PFKP: variants seen among roughly 807,000 people sequenced by gnomAD.
The protein encoded by PFKP is phosphofructokinase, platelet.
PFKP carries 101 observed loss-of-function variants against 94.3 expected under a neutral mutation model. The ratio of observed to expected loss-of-function variants is 1.07; its 90% CI spans 0.91 to 1.26. The LOEUF is 1.26. PFKP is among the 50% of genes most tolerant of loss of function. PFKP has a pLI of 0.00. For synonymous variants in PFKP, 573 were observed against 432.6 expected, an observed-to-expected ratio of 1.32 and a Z score of -4.03; for missense variants, 1,145 against 1,103.3, an observed-to-expected ratio of 1.04 and a Z score of -0.53.
intron 16 of PFKP, among the ~76,000 whole-genome samples, chr10:3,124,177 C>T (rs994001713): frequency 1.3e-5 from 2 of 152,234 alleles, no homozygotes; most frequent in Non-Finnish European, 2.9e-5. Flanking sequence ...GGTGTGGGCG[C>T]CGCCCTGTGT....
In PFKP at chr10:3,067,714, G is replaced by C. The variant is rs935492903; in HGVS notation, c.112+7G>C. The C allele has an allele frequency of 6.9e-7, 1 of 1,448,794 alleles. No homozygotes were observed. The highest frequency in any genetic ancestry group is 9.2e-7 in the Non-Finnish European group (1 of 1,083,646). 89.7% of individuals were successfully genotyped at this position (1,448,794 alleles called of 1,614,324 possible). ...AGCGGCGGGGATGCTCAAGGTGCGCGCCCCCCTCCCGGCGGCGAGGGAGGG... is the reference window on the plus strand; with the variant it reads ...AGCGGCGGGGATGCTCAAGGTGCGCCCCCCCCTCCCGGCGGCGAGGGAGGG... On this transcript the variant is annotated splice_region_variant and intron_variant, in intron 1 of 21. Coordinates refer to ENST00000381125, the MANE Select transcript of PFKP (RefSeq NM_002627.5).
At chr10:3,078,861 C>A (rs1832801165) in intron 1 of PFKP, among the ~76,000 whole-genome samples, 1 of 152,154 alleles carries the variant, frequency 6.6e-6, no homozygotes, top group Non-Finnish European at 1.5e-5. Flanking sequence ...TCAAGGAGGA[C>A]ACATGAATAA....
At chr10:3,101,675 C>T in intron 4 of PFKP, 121 bp downstream of exon 4, 1 of 648,722 alleles carries the variant, frequency 1.5e-6, no homozygotes, top group Non-Finnish European at 2.5e-6. Context: ...TACAGGTCAC[C>T]ATCTCAGGAC....
At chr10:3,129,705 C>A (rs776875041) in intron 16 of PFKP, 114 bp from the exon 17 acceptor site, 4 of 1,097,814 alleles carry the variant, frequency 3.6e-6, no homozygotes, top group Non-Finnish European at 5.4e-6. Flanking sequence ...ATGCTGGGAC[C>A]GCATGTTTGG....
chr10:3,134,450 A>C (rs1424109205), intron 19 of PFKP, 33 bp from the exon 20 acceptor site: 10 of 1,201,012 alleles, frequency 8.3e-6, no homozygotes, highest in South Asian at 1.2e-5. Context: ...TTACTGTATA[A>C]CTGGTATTTC....
intron 1 of PFKP, among the ~76,000 whole-genome samples, chr10:3,078,029 C>T (rs1832750879): frequency 6.6e-6 from 1 of 152,174 alleles, no homozygotes; most frequent in South Asian, 2.1e-4. Flanking sequence ...GGGTTGGGCT[C>T]CCAAAACCAA....
rs758043060 is a variant in PFKP at position 3,102,537 on chromosome 10, C to T, written c.454+983C>T. On this transcript the variant is annotated intron_variant, in intron 4 of 21. Transcript: ENST00000381125. The stretch of plus-strand genomic sequence containing the variant: ...CAAGCAATTCTCCTGCCTCAGCCTC[C>T]CAAGCAGCTGGGATTACAGGCATGC... 8.6e-5 allele frequency among the ~76,000 whole-genome samples: 13 copies of T among 152,004 alleles called. 1 individual carries two copies. Among genetic ancestry groups the T allele is most frequent in the South Asian group, 6.2e-4 (3 of 4,818 alleles).
At chr10:3,121,815 TTTTTTTTTTTTTTTTC>T (rs958084573) in intron 16 of PFKP, among the ~76,000 whole-genome samples, 11 of 41,242 alleles carry the variant, frequency 2.7e-4, no homozygotes, top group Admixed American at 5.2e-4. Context: ...TTTTTTTTTT[TTTTTTTTTTTTTTTTC>T]TTTTTTTGGA....
At chr10:3,130,695 G>T (rs748396241) in intron 17 of PFKP, among the ~76,000 whole-genome samples, 2 of 152,176 alleles carry the variant, frequency 1.3e-5, no homozygotes, top group Non-Finnish European at 2.9e-5. Context: ...AAGTAGCTGG[G>T]ATTACAGGCA....
chr10:3,129,657 G>T, intron 16 of PFKP, 162 bp from the exon 17 acceptor site: 1 of 736,472 alleles, frequency 1.4e-6, no homozygotes, highest in East Asian at 2.7e-5. Context: ...CACTCCGAGG[G>T]CACATCCTGG....
At chr10:3,067,813 G>A in intron 1 of PFKP, 106 bp downstream of exon 1, 1 of 498,508 alleles carries the variant, frequency 2.0e-6, no homozygotes, top group Non-Finnish European at 3.4e-6. Flanking sequence ...GAAGCGATGG[G>A]GGGGACCCGG....
chr10:3,073,842 G>C (rs1832382947), intron 1 of PFKP, among the ~76,000 whole-genome samples: 1 of 151,998 alleles, frequency 6.6e-6, no homozygotes, highest in South Asian at 2.1e-4. Flanking sequence ...TTGTTTGTTT[G>C]TTTGTTTGTT....
At chr10:3,132,941 T>C (rs1838764288) in intron 18 of PFKP, among the ~76,000 whole-genome samples, 1 of 152,256 alleles carries the variant, frequency 6.6e-6, no homozygotes, top group Admixed American at 6.5e-5. Flanking sequence ...TTCATCACGC[T>C]ACTCAGAATG....
intron 2 of PFKP, among the ~76,000 whole-genome samples, chr10:3,093,293 C>G (rs190806106): frequency 6.6e-6 from 1 of 152,166 alleles, no homozygotes; most frequent in Non-Finnish European, 1.5e-5. Flanking sequence ...GTCCACATCC[C>G]GTTCAGTCAC....
rs140105757 is a variant in PFKP at position 3,112,295 on chromosome 10, C to T, written c.1154+9C>T. 3.1e-4 allele frequency: 503 copies of T among 1,609,960 alleles called. 3 individuals carry two copies. In the African/African-American group the frequency reaches 4.3e-3, roughly 14 times the overall value. On this transcript the variant is annotated intron_variant, in intron 11 of 21. Coordinates refer to ENST00000381125, the MANE Select transcript of PFKP (RefSeq NM_002627.5). ...GTTCGACTCCGAGGGAGGTGAGGTG[C>T]TTTGGAGAAAGCTCTGCCCTGTCAG...
At chr10:3,122,118 G>A (rs902971655) in intron 16 of PFKP, among the ~76,000 whole-genome samples, 13 of 152,090 alleles carry the variant, frequency 8.5e-5, no homozygotes, top group African/African-American at 2.4e-4. Flanking sequence ...CCACCGCGCC[G>A]GGCCTGAAGT....
chr10:3,112,214 T>C lies in PFKP; in HGVS notation c.1090-8T>C. 6.2e-7 allele frequency: 1 copy of C among 1,610,914 alleles called. No individual in the cohort carries two copies. Among genetic ancestry groups the C allele is most frequent in the East Asian group, 2.2e-5 (1 of 44,862 alleles). ...CATTCTTTCTTCTTTTCATCATTGT[T>C]TTAAAAGACTCAGGATGTGCAGAAG... On this transcript the variant is annotated splice_region_variant and splice_polypyrimidine_tract_variant and intron_variant, in intron 10 of 21. Coordinates refer to ENST00000381125, the MANE Select transcript of PFKP (RefSeq NM_002627.5).
intron 16 of PFKP, 126 bp downstream of exon 16, chr10:3,120,170 C>CT (rs367808622): frequency 2.1e-5 from 16 of 766,238 alleles, no homozygotes; most frequent in Admixed American, 8.2e-5. Context: ...GCTTCTCGTT[C>CT]TTTTTTTCCC....
At chr10:3,075,636 TCAA>T (rs1832519949) in intron 1 of PFKP, among the ~76,000 whole-genome samples, 2 of 147,572 alleles carry the variant, frequency 1.4e-5, no homozygotes, top group African/African-American at 5.0e-5. Flanking sequence ...GTGCCAAGAC[TCAA>T]CATCTGTAAT....
Sources: gnomAD v4.1 joint callset for allele counts (sites outside exome capture counted in the v4.1 genomes callset) on GRCh38, gnomAD v4.1.1 for gene constraint, MANE v1.5 for transcripts, NCBI Gene and HGNC (gene_info 2026-07-23, HGNC 2026-07-21) for gene names.